The following PLD5 variants were observed in gnomAD, a reference collection of about 807,000 sequenced individuals.
PLD5 encodes phospholipase D family member 5, also known as inactive phospholipase D5.
In PLD5, 36 loss-of-function variants were observed where a neutral mutation model predicts 61.1. The ratio of observed to expected loss-of-function variants is 0.59; its 90% CI spans 0.45 to 0.78. PLD5 has a LOEUF of 0.78. PLD5 is among the 30% of genes least tolerant of loss of function. The pLI, the probability that PLD5 is intolerant of heterozygous loss-of-function variation, is 0.00. For missense variants in PLD5, 515 were observed against 644.4 expected, an observed-to-expected ratio of 0.80 and a Z score of 2.17; for synonymous variants, 243 against 242.8, an observed-to-expected ratio of 1.00 and a Z score of -0.01.
chr1:242,399,536 A>AT (rs141291916), intron 1 of PLD5, among the ~76,000 whole-genome samples: 3,063 of 152,244 alleles, frequency 0.02, 116 homozygotes, highest in East Asian at 0.11. Context: ...ATAAAGTCAT[A>AT]TTTTGTCTCA....
intron 4 of PLD5, 58 bp from the exon 5 acceptor site, chr1:242,220,173 A>G (rs1455289792): frequency 2.5e-6 from 4 of 1,587,268 alleles, no homozygotes; most frequent in Middle Eastern, 1.9e-4. Context: ...CTGGGCTGTC[A>G]GTCACCTACC....
chr1:242,414,530 G>T (rs1404722969), intron 1 of PLD5, among the ~76,000 whole-genome samples: 2 of 152,172 alleles, frequency 1.3e-5, no homozygotes, highest in African/African-American at 4.8e-5. Flanking sequence ...TCTCAGATCA[G>T]TTGAGGGAAA....
chr1:242,395,045 A>T (rs1312740904), intron 1 of PLD5, among the ~76,000 whole-genome samples: 1 of 106,946 alleles, frequency 9.4e-6, no homozygotes, highest in African/African-American at 4.1e-5. Flanking sequence ...ATGTATATGT[A>T]TATATGAATA....
At chr1:242,405,079 C>A (rs772639079) in intron 1 of PLD5, among the ~76,000 whole-genome samples, 11 of 151,800 alleles carry the variant, frequency 7.2e-5, no homozygotes, top group Non-Finnish European at 1.5e-4. Context: ...TGGAGTTTCA[C>A]CAAGTTGACC....
At position 242,234,489 on chromosome 1, in the gene PLD5, G is replaced by A. The variant is rs141088872; in HGVS notation, c.608-14374C>T. On this transcript the variant is annotated intron_variant, in intron 4 of 9. Coordinates refer to ENST00000536534, the MANE Select transcript of PLD5 (RefSeq NM_001372062.1). ...ATATGAGACCAGGACAAGGTGAAGA[G>A]GCAATGCCAGGTGTCAGCAGGAATC... 2.2e-3 allele frequency among the ~76,000 whole-genome samples: 330 copies of A among 152,262 alleles called. 10 individuals are homozygous for A. In the East Asian group the frequency reaches 0.053, roughly 25 times the overall value.
In PLD5 at chr1:242,524,497, C is replaced by A. The variant is rs1669384823; in HGVS notation, c.-221G>T. On this transcript the variant is annotated 5_prime_UTR_variant, in exon 1 of 10. Coordinates refer to ENST00000536534, the MANE Select transcript of PLD5 (RefSeq NM_001372062.1). Reference sequence around the variant, plus strand: ...GGGGGCGATCGCGGGAGGCGCGGGGCGGAAGGAGGGAGGGCGAGGTGCGGG... The same window carrying A: ...GGGGGCGATCGCGGGAGGCGCGGGGAGGAAGGAGGGAGGGCGAGGTGCGGG... The A allele has an allele frequency of 9.9e-6, 1 of 101,464 alleles. No homozygotes were observed. Among genetic ancestry groups the A allele is most frequent in the African/African-American group, 4.2e-5 (1 of 23,736 alleles). 6.3% of individuals were successfully genotyped at this position (101,464 alleles called of 1,614,324 possible). A position where few individuals can be genotyped will look rare whatever the true frequency, so the allele number is the denominator to read the frequency against.
intron 1 of PLD5, among the ~76,000 whole-genome samples, chr1:242,513,165 T>TC (rs1252122689): frequency 6.6e-6 from 1 of 152,098 alleles, no homozygotes; most frequent in Non-Finnish European, 1.5e-5. Context: ...CAGGCCTGAG[T>TC]CACCTGCACT....
intron 4 of PLD5, among the ~76,000 whole-genome samples, chr1:242,252,340 G>A (rs2149083549): frequency 6.6e-6 from 1 of 152,254 alleles, no homozygotes; most frequent in Admixed American, 6.5e-5. Context: ...AGAAGTAAGG[G>A]ATCTTACTCA....
At position 242,384,858 on chromosome 1, in the gene PLD5, A is replaced by G. The variant is rs536361457; in HGVS notation, c.190-36616T>C. Among the ~76,000 whole-genome samples the G allele has an allele frequency of 3.3e-5, 5 of 152,332 alleles. No homozygotes were observed. In the East Asian group the frequency reaches 7.7e-4, roughly 24 times the overall value. ...TCTACCTTGAAGATATACCTTCACT[A>G]AAAGAAACAACACATGCAAAAAATT... is the stretch of plus-strand genomic sequence containing the variant. On this transcript the variant is annotated intron_variant, in intron 1 of 9. Transcript: ENST00000536534.
chr1:242,378,387 G>T (rs1266182172), intron 1 of PLD5, among the ~76,000 whole-genome samples: 1 of 152,158 alleles, frequency 6.6e-6, no homozygotes, highest in African/African-American at 2.4e-5. Flanking sequence ...TGCTTAATGG[G>T]TATAGAATTT....
chr1:242,244,865 T>A (rs1672268524), intron 4 of PLD5, among the ~76,000 whole-genome samples: 1 of 152,236 alleles, frequency 6.6e-6, no homozygotes. Context: ...GAAAATAAAG[T>A]TCTACCTAAG....
intron 4 of PLD5, among the ~76,000 whole-genome samples, chr1:242,257,363 A>G (rs1673128541): frequency 6.6e-6 from 1 of 152,210 alleles, no homozygotes; most frequent in Non-Finnish European, 1.5e-5. Context: ...AAGAAAATAC[A>G]TGTTTGATTC....
intron 1 of PLD5, among the ~76,000 whole-genome samples, chr1:242,505,400 G>C (rs1668688632): frequency 6.6e-6 from 1 of 152,110 alleles, no homozygotes; most frequent in Non-Finnish European, 1.5e-5. Flanking sequence ...AATTGTAATT[G>C]TACATATTTA....
intron 5 of PLD5, among the ~76,000 whole-genome samples, chr1:242,173,365 G>A (rs1180472430): frequency 6.6e-6 from 1 of 152,100 alleles, no homozygotes; most frequent in Admixed American, 6.5e-5. Context: ...ACCTCTTCAA[G>A]GAGAACTACA....
chr1:242,091,703 G>A (rs1659835301), intron 9 of PLD5, among the ~76,000 whole-genome samples: 1 of 152,030 alleles, frequency 6.6e-6, no homozygotes, highest in African/African-American at 2.4e-5. Context: ...ACACAGCTTA[G>A]CTTAGCTTTT....
chr1:242,324,791 G>A (rs1252218915), intron 2 of PLD5, among the ~76,000 whole-genome samples: 2 of 152,122 alleles, frequency 1.3e-5, no homozygotes, highest in Non-Finnish European at 2.9e-5. Flanking sequence ...TGATGGACCA[G>A]CTGGCCCCAC....
intron 3 of PLD5, among the ~76,000 whole-genome samples, chr1:242,274,188 A>T (rs1272921897): frequency 1.3e-5 from 2 of 152,254 alleles, no homozygotes; most frequent in Non-Finnish European, 2.9e-5. Context: ...AGTTAATAAG[A>T]AAATCTGGAA....
rs1212482513 is a variant in PLD5, at chr1:242,124,679, A to G, written c.736-14T>C. The G allele has an allele frequency of 6.2e-7, 1 of 1,603,954 alleles. No homozygotes were observed. Among genetic ancestry groups the G allele is most frequent in the East Asian group, 2.2e-5 (1 of 44,698 alleles). On this transcript the variant is annotated splice_polypyrimidine_tract_variant and intron_variant, in intron 5 of 9. Transcript: ENST00000536534. ...GAGTTCTTTCATCTGTGAAATTAAA[A>G]TTGAAAGCATCAATGCCATGTGTGT... is the stretch of plus-strand genomic sequence containing the variant.
intron 1 of PLD5, among the ~76,000 whole-genome samples, chr1:242,503,424 T>C (rs1326295168): frequency 1.3e-5 from 2 of 152,316 alleles, no homozygotes; most frequent in East Asian, 3.9e-4. Context: ...AGTGCCATGT[T>C]TGTACAGCTT....
Sources: gnomAD v4.1 joint callset for allele counts (sites outside exome capture counted in the v4.1 genomes callset) on GRCh38, gnomAD v4.1.1 for gene constraint, MANE v1.5 for transcripts, NCBI Gene and HGNC (gene_info 2026-07-23, HGNC 2026-07-21) for gene names.